The following EYS variants were observed in gnomAD, a reference collection of about 807,000 sequenced individuals.
EYS encodes the protein EGF-like photoreceptor maintenance factor.
A neutral mutation model predicts 282.1 loss-of-function variants in EYS; 250 were observed. The observed-to-expected ratio is 0.89, with a 90% CI of 0.80 to 0.98. EYS has a LOEUF of 0.98. EYS is among the 50% of genes least tolerant of loss of function. The probability of loss-of-function intolerance (pLI) is 0.00; values close to 1 mark genes in which losing one functional copy is unlikely to be tolerated. For missense variants in EYS, 4,016 were observed against 3,709.0 expected (o/e 1.08, Z -2.15); for synonymous variants, 1,355 against 1,282.9 (o/e 1.06, Z -1.20).
At position 64,070,899 on chromosome 6, in the gene EYS, C is replaced by T. The variant is rs954507662; in HGVS notation, c.6572-4408G>A. On this transcript the variant is annotated intron_variant, in intron 32 of 42. Transcript: ENST00000503581. ...ATTTTATTCATTATGACTTTTACACCATGAGCGAAAATGTCAACACAGTGA... is the reference window on the plus strand; with the variant it reads ...ATTTTATTCATTATGACTTTTACACTATGAGCGAAAATGTCAACACAGTGA... Among the ~76,000 whole-genome samples, 4 of 151,902 alleles carry T rather than the reference C, an allele frequency of 2.6e-5. No individual in the cohort carries two copies. In the East Asian group the frequency reaches 7.7e-4, roughly 29 times the overall value.
At chr6:63,769,278 T>A (rs1769874105) in intron 40 of EYS, among the ~76,000 whole-genome samples, 1 of 151,992 alleles carries the variant, frequency 6.6e-6, no homozygotes, top group African/African-American at 2.4e-5. Flanking sequence ...GAGTAGGTGA[T>A]AAAATAGCTT....
chr6:65,341,327 G>A (rs939237664), intron 10 of EYS, among the ~76,000 whole-genome samples: 17 of 151,024 alleles, frequency 1.1e-4, no homozygotes, highest in African/African-American at 3.1e-4. Flanking sequence ...AAGTTTTCAC[G>A]GGTTCTTCTC....
At chr6:65,572,679 G>A (rs929386094) in intron 2 of EYS, among the ~76,000 whole-genome samples, 5 of 152,034 alleles carry the variant, frequency 3.3e-5, no homozygotes, top group African/African-American at 1.2e-4. Flanking sequence ...GTACCATCTC[G>A]GGCTGTGTAA....
chr6:64,202,161 T>C (rs1765475156), intron 31 of EYS, among the ~76,000 whole-genome samples: 3 of 152,234 alleles, frequency 2.0e-5, no homozygotes, highest in African/African-American at 4.8e-5. Context: ...CGCAGACTGC[T>C]GTCAATGTGA....
chr6:64,863,871 G>A (rs1322502729), intron 19 of EYS, among the ~76,000 whole-genome samples: 1 of 152,092 alleles, frequency 6.6e-6, no homozygotes, highest in Non-Finnish European at 1.5e-5. Flanking sequence ...CTGAGAAGCT[G>A]CCTCCTTTCT....
rs572265120 is a variant in EYS, at chr6:64,545,936, G to T, written c.5644+44287C>A. On this transcript the variant is annotated intron_variant, in intron 26 of 42. Transcript: ENST00000503581. Reference sequence around the variant, plus strand: ...AGGAAAAATCAATATCGTGAAAATGGCCATACTGCCCAAGGTAATTTATAG... The same window carrying T: ...AGGAAAAATCAATATCGTGAAAATGTCCATACTGCCCAAGGTAATTTATAG... Among the ~76,000 whole-genome samples, 651 of 152,252 alleles carry T rather than the reference G, an allele frequency of 4.3e-3. 4 individuals are homozygous for T. The highest frequency in any genetic ancestry group is 0.015 in the African/African-American group (609 of 41,538).
intron 12 of EYS, among the ~76,000 whole-genome samples, chr6:65,250,208 T>C (rs1369814019): frequency 6.6e-6 from 1 of 152,052 alleles, no homozygotes; most frequent in Non-Finnish European, 1.5e-5. Context: ...AAATCAAACA[T>C]ACTAAAACTA....
At chr6:65,404,297 A>T (rs1305105141) in intron 6 of EYS, among the ~76,000 whole-genome samples, 3 of 152,122 alleles carry the variant, frequency 2.0e-5, no homozygotes, top group Non-Finnish European at 2.9e-5. Flanking sequence ...AGATAACATC[A>T]GCTGATTAGC....
At chr6:65,480,886 C>T (rs879632246) in intron 5 of EYS, among the ~76,000 whole-genome samples, 2 of 152,024 alleles carry the variant, frequency 1.3e-5, no homozygotes, top group Non-Finnish European at 2.9e-5. Flanking sequence ...TGTTCTCACT[C>T]ATATGGGAGA....
In EYS at chr6:64,902,100, A is replaced by T. The variant is rs1767684708; in HGVS notation, c.2846+13T>A. 6.7e-7 allele frequency: 1 copy of T among 1,498,904 alleles called. No individual in the cohort carries two copies. Among genetic ancestry groups the T allele is most frequent in the African/African-American group, 1.4e-5 (1 of 70,664 alleles). 92.9% of individuals were successfully genotyped at this position (1,498,904 alleles called of 1,614,324 possible). ...ACATCAAATAATTAATTTAATAAAAAGTAGCTTCTCACCTGTTTGTCAGAT... is the reference window on the plus strand; with the variant it reads ...ACATCAAATAATTAATTTAATAAAATGTAGCTTCTCACCTGTTTGTCAGAT... On this transcript the variant is annotated intron_variant, in intron 18 of 42. Coordinates refer to ENST00000503581, the MANE Select transcript of EYS (RefSeq NM_001142800.2).
At chr6:64,288,638 CT>C (rs993731730) in intron 30 of EYS, among the ~76,000 whole-genome samples, 3 of 152,104 alleles carry the variant, frequency 2.0e-5, no homozygotes, top group Admixed American at 6.6e-5. Context: ...GTCCTCTCTA[CT>C]TTATTTTCCT....
At chr6:65,605,305 A>C (rs538164275) in intron 2 of EYS, among the ~76,000 whole-genome samples, 2 of 148,524 alleles carry the variant, frequency 1.3e-5, no homozygotes, top group East Asian at 4.0e-4. Flanking sequence ...AAAAAATGAA[A>C]ATAATGCATA....
At chr6:65,411,340 G>A (rs933545594) in intron 5 of EYS, among the ~76,000 whole-genome samples, 2 of 151,942 alleles carry the variant, frequency 1.3e-5, no homozygotes, top group Admixed American at 6.6e-5. Flanking sequence ...TAATCCATTG[G>A]GTAACATAGT....
intron 2 of EYS, among the ~76,000 whole-genome samples, chr6:65,609,784 A>G (rs532687661): frequency 6.6e-6 from 1 of 152,194 alleles, no homozygotes; most frequent in Non-Finnish European, 1.5e-5. Flanking sequence ...CATAATATGA[A>G]TATGTATCAT....
intron 30 of EYS, among the ~76,000 whole-genome samples, chr6:64,241,926 GTTAT>G (rs1766847416): frequency 6.6e-6 from 1 of 151,632 alleles, no homozygotes; most frequent in Non-Finnish European, 1.5e-5. Flanking sequence ...CCTTCATTTC[GTTAT>G]TTATTCAGGA....
chr6:64,990,622 G>C (rs1157223711), intron 14 of EYS, among the ~76,000 whole-genome samples: 1 of 151,560 alleles, frequency 6.6e-6, no homozygotes, highest in Non-Finnish European at 1.5e-5. Context: ...GCTGACTTTT[G>C]TTAGAAAATC....
intron 36 of EYS, among the ~76,000 whole-genome samples, chr6:63,810,010 G>A (rs926987953): frequency 2.6e-5 from 4 of 151,266 alleles, no homozygotes; most frequent in Non-Finnish European, 5.9e-5. Flanking sequence ...GGGAGGCCGA[G>A]GCGGGTGGAT....
chr6:63,948,184 A>G (rs6923575), intron 35 of EYS, among the ~76,000 whole-genome samples: 9,272 of 152,268 alleles, frequency 0.061, 706 homozygotes, highest in African/African-American at 0.18. Context: ...TTCTCCTTTC[A>G]TTATTAATCA....
intron 19 of EYS, among the ~76,000 whole-genome samples, chr6:64,849,204 C>G (rs905047836): frequency 2.6e-5 from 4 of 151,836 alleles, no homozygotes; most frequent in Admixed American, 2.6e-4. Context: ...CAATACAATA[C>G]TAGCCTGCTT....
Sources: allele counts gnomAD v4.1 joint callset (sites outside exome capture counted in the v4.1 genomes callset), GRCh38; gene constraint gnomAD v4.1.1; transcripts MANE v1.5; gene names NCBI Gene and HGNC (gene_info 2026-07-23, HGNC 2026-07-21).